Variants in PKD2L2 observed in about 807,000 individuals in gnomAD.
PKD2L2 encodes polycystin 2 like 2, transient receptor potential cation channel, also known as polycystin-2-like protein 2.
In PKD2L2, 67 loss-of-function variants were observed where a neutral mutation model predicts 83.9. The ratio of observed to expected loss-of-function variants is 0.80; its 90% CI spans 0.66 to 0.98. The LOEUF (loss-of-function observed/expected upper bound fraction) is 0.98, where lower values mean the gene tolerates loss of function less well. Among genes scored for constraint, PKD2L2 ranks in the 50% least tolerant of loss-of-function variants. PKD2L2 has a pLI of 0.00. For synonymous variants in PKD2L2, 223 were observed against 237.8 expected, an observed-to-expected ratio of 0.94 and a Z score of 0.57; for missense variants, 632 against 717.2, an observed-to-expected ratio of 0.88 and a Z score of 1.36.
rs1375753241 is a variant in PKD2L2, at chr5:137,940,393, A to G, written c.*18-1991A>G. ...TTGTAATGTTCTAGAGATCATTTGG[A>G]AAAAAAGATCCAAAAGTTGTCTTAA... On this transcript the variant is annotated intron_variant, in intron 14 of 14. Transcript: ENST00000508883. The G allele has an allele frequency of 3.5e-6, 5 of 1,421,080 alleles. No individual in the cohort carries two copies. In the African/African-American group the frequency reaches 5.8e-5, roughly 16 times the overall value. 88.0% of individuals were successfully genotyped at this position (1,421,080 alleles called of 1,614,324 possible). A position where few individuals can be genotyped will look rare whatever the true frequency, so the allele number is the denominator to read the frequency against.
chr5:137,935,712 T>C, intron 12 of PKD2L2, 85 bp from the exon 13 acceptor site: 3 of 733,360 alleles, frequency 4.1e-6, no homozygotes, highest in Non-Finnish European at 6.9e-6. Context: ...CAGCTTAAGA[T>C]CCTCAATCCT....
intron 14 of PKD2L2, among the ~76,000 whole-genome samples, chr5:137,940,924 G>A (rs567125506): frequency 6.6e-6 from 1 of 152,036 alleles, no homozygotes; most frequent in African/African-American, 2.4e-5. Context: ...TATTTATTTT[G>A]AGACAGAGCC....
Position 137,899,524 on chromosome 5 carries a change from ATTCTAC to A in PKD2L2, c.539_544del (p.Thr180_Ser181del). The stretch of plus-strand genomic sequence containing the variant: ...CTTTTTATGTGTAACAGATGGAGAT[ATTCTAC>A]TTCTAATACCAACTCCCCTTGGCAC... On this transcript the variant is annotated inframe_deletion, in exon 5 of 15. Transcript: ENST00000508883. The A allele has an allele frequency of 6.3e-7, 1 of 1,583,204 alleles. No individual in the cohort carries two copies. Among genetic ancestry groups the A allele is most frequent in the Non-Finnish European group, 8.7e-7 (1 of 1,152,378 alleles).
At chr5:137,933,838 C>T (rs1760084353) in intron 12 of PKD2L2, among the ~76,000 whole-genome samples, 1 of 152,160 alleles carries the variant, frequency 6.6e-6, no homozygotes, top group African/African-American at 2.4e-5. Context: ...GCATCAATCA[C>T]CTCAACACAT....
At chr5:137,933,757 C>A (rs1760076323) in intron 12 of PKD2L2, among the ~76,000 whole-genome samples, 1 of 152,108 alleles carries the variant, frequency 6.6e-6, no homozygotes, top group East Asian at 1.9e-4. Context: ...AGAGGCATAC[C>A]AGAGAATCCC....
At chr5:137,895,515 C>T (rs1035772362) in intron 4 of PKD2L2, among the ~76,000 whole-genome samples, 1 of 147,746 alleles carries the variant, frequency 6.8e-6, no homozygotes, top group Non-Finnish European at 1.5e-5. Context: ...AATGTGAAAA[C>T]GCAGTGCCAC....
rs1757487877 is a variant in PKD2L2, at chr5:137,907,837, T to A, written c.1071T>A (p.Asp357Glu). The change falls in exon 7 of 15, where the codon GAT becomes GAA. Residue 357 changes from aspartate (D) to glutamate (E), a missense_variant. Asp to Glu is a conservative substitution (Grantham distance 45). This residue lies in a region of PKD2L2 where 399 missense variants were observed against 416.9 expected (regional missense o/e 0.96). Coordinates refer to ENST00000508883, the MANE Select transcript of PKD2L2 (RefSeq NM_001300921.2). ...QLLKSTEKYSDFYFLACWHIY... is the reference protein window; with the variant it reads ...QLLKSTEKYSEFYFLACWHIY... The stretch of plus-strand genomic sequence containing the variant: ...TGAAAAGTACTGAAAAATATTCAGA[T>A]TTCTATTTTCTTGCATGCTGGCACA... The A allele has an allele frequency of 1.9e-6, 3 of 1,559,556 alleles. No individual in the cohort carries two copies. Among genetic ancestry groups the A allele is most frequent in the South Asian group, 2.3e-5 (2 of 87,084 alleles).
chr5:137,935,363 G>A (rs1277323839), intron 12 of PKD2L2, among the ~76,000 whole-genome samples: 3 of 152,134 alleles, frequency 2.0e-5, no homozygotes, highest in Admixed American at 1.3e-4. Context: ...TACAAAGAGG[G>A]GGTTTTGAAG....
chr5:137,905,031 C>T (rs1212055856), intron 5 of PKD2L2, among the ~76,000 whole-genome samples: 2 of 152,276 alleles, frequency 1.3e-5, no homozygotes, highest in East Asian at 1.9e-4. Flanking sequence ...CCCAACAGTC[C>T]TGATCAGGAT....
chr5:137,899,297 T>C (rs1269598707), intron 4 of PKD2L2, among the ~76,000 whole-genome samples: 8 of 152,094 alleles, frequency 5.3e-5, no homozygotes, highest in Admixed American at 5.2e-4. Flanking sequence ...TTGTATTTTT[T>C]GTAGAGATAG....
At chr5:137,910,047 A>C (rs1345650057) in intron 8 of PKD2L2, among the ~76,000 whole-genome samples, 1 of 151,870 alleles carries the variant, frequency 6.6e-6, no homozygotes, top group Admixed American at 6.6e-5. Context: ...ACATAGCAAG[A>C]CTGCGTTTCT....
At chr5:137,907,468 T>G (rs1280333025) in intron 6 of PKD2L2, among the ~76,000 whole-genome samples, 1 of 152,174 alleles carries the variant, frequency 6.6e-6, no homozygotes, top group African/African-American at 2.4e-5. Context: ...TACATAATCA[T>G]TTTATACATT....
chr5:137,941,803 C>G lies in PKD2L2; in HGVS notation c.*18-581C>G, dbSNP rs1761934988. 7.5e-6 allele frequency: 5 copies of G among 662,874 alleles called. No homozygotes were observed. In the Admixed American group the frequency reaches 1.3e-4, roughly 18 times the overall value. The allele number at this position is 662,874 out of a possible 1,614,324, so 41.1% of individuals were successfully genotyped here. A position where few individuals can be genotyped will look rare whatever the true frequency, so the allele number is the denominator to read the frequency against. Reference sequence around the variant, plus strand: ...GGCCATTAAAAGCAGGGCCTCAGAGCATAAAGGAATGTTTTAAAATTTTTC... The same window carrying G: ...GGCCATTAAAAGCAGGGCCTCAGAGGATAAAGGAATGTTTTAAAATTTTTC... On this transcript the variant is annotated intron_variant, in intron 14 of 14. Transcript: ENST00000508883.
At chr5:137,916,191 T>G (rs1191184543) in intron 8 of PKD2L2, among the ~76,000 whole-genome samples, 1 of 151,956 alleles carries the variant, frequency 6.6e-6, no homozygotes, top group Non-Finnish European at 1.5e-5. Flanking sequence ...CACTTTTTTT[T>G]TTGAGACGGA....
chr5:137,926,088 G>A (rs1759355390), intron 12 of PKD2L2, among the ~76,000 whole-genome samples, 159 bp downstream of exon 12: 2 of 152,092 alleles, frequency 1.3e-5, no homozygotes, highest in Admixed American at 1.3e-4. Context: ...TTCATGTTTA[G>A]GACAAACCAT....
chr5:137,906,554 A>G (rs1757382222), intron 6 of PKD2L2, 120 bp downstream of exon 6: 2 of 581,164 alleles, frequency 3.4e-6, no homozygotes, highest in East Asian at 5.7e-5. Flanking sequence ...TACAAGTATC[A>G]AACATAAAAT....
At chr5:137,905,461 T>C (rs985897198) in intron 5 of PKD2L2, among the ~76,000 whole-genome samples, 3 of 152,178 alleles carry the variant, frequency 2.0e-5, no homozygotes, top group Non-Finnish European at 4.4e-5. Flanking sequence ...TTTTGTTGTT[T>C]TGGGAGCACC....
Position 137,934,924 on chromosome 5 carries a change from ACTCT to A in PKD2L2, c.1672-870_1672-867del, listed in dbSNP as rs998123682. ...AAAAAATGTTGGTTTAAAGAAAGGC[ACTCT>A]CTAAGATAGTTTCTCTGACCAGAAG... is the stretch of plus-strand genomic sequence containing the variant. On this transcript the variant is annotated intron_variant, in intron 12 of 14. Transcript: ENST00000508883. Among the ~76,000 whole-genome samples, 25 of 152,086 alleles carry A rather than the reference ACTCT, an allele frequency of 1.6e-4. No individual in the cohort carries two copies. The East Asian group carries it at 2.1e-3, about 13-fold the overall frequency.
intron 10 of PKD2L2, among the ~76,000 whole-genome samples, chr5:137,924,417 C>T (rs1284888075): frequency 6.6e-6 from 1 of 152,184 alleles, no homozygotes; most frequent in Non-Finnish European, 1.5e-5. Flanking sequence ...TCCTACAGCT[C>T]TTCTCTCTTG....
Sources: allele counts gnomAD v4.1 joint callset (sites outside exome capture counted in the v4.1 genomes callset), GRCh38; gene constraint gnomAD v4.1.1; regional missense constraint gnomAD v4.1.1; transcripts MANE v1.5; gene names NCBI Gene and HGNC (gene_info 2026-07-23, HGNC 2026-07-21).